RBM5: variants seen among roughly 807,000 people sequenced by gnomAD.
RBM5 encodes RNA-binding protein 5.
RBM5 carries 15 observed loss-of-function variants against 124.6 expected under a neutral mutation model. That is an observed-to-expected ratio of 0.12 (90% confidence interval 0.08 to 0.19). The LOEUF is 0.19. RBM5 is among the 10% of genes least tolerant of loss of function. The probability of loss-of-function intolerance (pLI) is 1.00; values close to 1 mark genes in which losing one functional copy is unlikely to be tolerated. For synonymous variants in RBM5, 337 were observed against 361.2 expected (o/e 0.93, Z 0.76); for missense variants, 580 against 1,026.5 (o/e 0.57, Z 5.94).
chr3:50,114,282 C>G lies in RBM5; in HGVS notation c.1839+31C>G, dbSNP rs112790469. 1,263 of 1,577,396 alleles carry G rather than the reference C, an allele frequency of 8.0e-4. 9 individuals are homozygous for G. In the African/African-American group the frequency reaches 0.012, roughly 15 times the overall value. On this transcript the variant is annotated intron_variant, in intron 20 of 24. Transcript: ENST00000347869. ...GGAGTACCACCAGTGTTTTAAAGAC[C>G]CTATCTGTGGTTTGTGTCTCACTTT...
intron 6 of RBM5, chr3:50,101,988 G>A (rs1282272602): frequency 6.6e-6 from 1 of 152,168 alleles, no homozygotes; most frequent in Non-Finnish European, 1.5e-5. Flanking sequence ...CAGACATGCA[G>A]TCTTGCCTTT....
intron 17 of RBM5, among the ~76,000 whole-genome samples, chr3:50,111,423 T>A (rs982193942): frequency 6.6e-6 from 1 of 152,158 alleles, no homozygotes; most frequent in Admixed American, 6.6e-5. Flanking sequence ...TTGCTTTTTT[T>A]ATTTTTTTTG....
chr3:50,117,195 G>A lies in RBM5; in HGVS notation c.2192+24G>A. On this transcript the variant is annotated intron_variant, in intron 23 of 24. Coordinates refer to ENST00000347869, the MANE Select transcript of RBM5 (RefSeq NM_005778.4). This position sits in a 1 kb window ranked among gnomAD's most constrained non-coding sequence, Gnocchi z 4.2. ...GTGTATGTGATGTGCACATTTTCCA[G>A]TTCGTAAGCTGGGGCCCTGGCTGTT... 1 of 1,614,214 alleles carries A rather than the reference G, an allele frequency of 6.2e-7. No homozygotes were observed. Among genetic ancestry groups the A allele is most frequent in the Non-Finnish European group, 8.5e-7 (1 of 1,180,028 alleles).
At chr3:50,089,509 C>T (rs2090662965) in intron 1 of RBM5, among the ~76,000 whole-genome samples, 1 of 152,234 alleles carries the variant, frequency 6.6e-6, no homozygotes, top group Non-Finnish European at 1.5e-5. Flanking sequence ...TCGAGCAGGC[C>T]GTGACGCCGC....
chr3:50,117,252 A>G lies in RBM5; in HGVS notation c.2195A>G (p.Asn732Ser). Reference protein sequence around the residue: ...RKKQFDAGTVNYEQPTKDGID... With the variant: ...RKKQFDAGTVSYEQPTKDGID... Reference sequence around the variant, plus strand: ...AACTGTGTGTTTGCCACTGGCAGGAATTACGAGCAACCCACCAAAGATGGC... The same window carrying G: ...AACTGTGTGTTTGCCACTGGCAGGAGTTACGAGCAACCCACCAAAGATGGC... Residue 732 changes from asparagine (N) to serine (S), a missense_variant and splice_region_variant, in exon 24 of 25, where the codon AAT becomes AGT. By Grantham distance (46) the Asn-to-Ser change is conservative (BLOSUM62 1). Transcript: ENST00000347869. This position sits in a 1 kb window ranked among gnomAD's most constrained non-coding sequence, Gnocchi z 4.2. The G allele has an allele frequency of 6.2e-7, 1 of 1,614,226 alleles. No individual in the cohort carries two copies.
At position 50,114,793 on chromosome 3, in the gene RBM5, G is replaced by A. The variant is rs541733149; in HGVS notation, c.1839+542G>A. ...GCCCAGGAGATCAAGGCTGCAGTGA[G>A]CCACTGCACTTTTTGGGGATCATAC... On this transcript the variant is annotated intron_variant, in intron 20 of 24. Transcript: ENST00000347869. 9.7e-5 allele frequency: 15 copies of A among 153,866 alleles called. No individual in the cohort carries two copies. The Admixed American group carries it at 9.8e-4, about 10-fold the overall frequency. The allele number at this position is 153,866 out of a possible 1,614,324, so 9.5% of individuals were successfully genotyped here. A position where few individuals can be genotyped will look rare whatever the true frequency, so the allele number is the denominator to read the frequency against.
Position 50,105,550 on chromosome 3 carries a change from G to C in RBM5, c.696G>C (p.Thr232=). The change falls in exon 10 of 25, where the codon ACG becomes ACC. Residue 232 remains threonine (T), a splice_region_variant and synonymous_variant. Coordinates refer to ENST00000347869, the MANE Select transcript of RBM5 (RefSeq NM_005778.4). ...GTCATTTGTCTCATTTACCCCTAGCGATCATTCTTCGGAACATAGCTCCGC... is the reference window on the plus strand; with the variant it reads ...GTCATTTGTCTCATTTACCCCTAGCCATCATTCTTCGGAACATAGCTCCGC... The part of the protein sequence containing the change: ...SVQSVDYYCD[T]IILRNIAPHT... 1.2e-6 allele frequency: 2 copies of C among 1,612,810 alleles called. No homozygotes were observed. The highest frequency in any genetic ancestry group is 1.7e-6 in the Non-Finnish European group (2 of 1,179,308).
chr3:50,107,662 C>CTTTT, intron 12 of RBM5, 93 bp downstream of exon 12: 2 of 171,154 alleles, frequency 1.2e-5, no homozygotes. Context: ...AGTATGAGCT[C>CTTTT]TTTTCTTTTC....
intron 4 of RBM5, chr3:50,094,125 C>A: frequency 9.7e-6 from 3 of 310,860 alleles, no homozygotes; most frequent in East Asian, 5.1e-5. Flanking sequence ...CTTATACATG[C>A]CAAAGGTAAT....
At chr3:50,108,179 G>A in intron 13 of RBM5, 32 bp downstream of exon 13, 1 of 1,601,396 alleles carries the variant, frequency 6.2e-7, no homozygotes, top group Non-Finnish European at 8.6e-7. Flanking sequence ...CCACCTTATA[G>A]TCTTGCAGAG....
At chr3:50,113,215 T>G (rs2091180523) in intron 17 of RBM5, 168 bp from the exon 18 acceptor site, 1 of 576,364 alleles carries the variant, frequency 1.7e-6, no homozygotes, top group Non-Finnish European at 3.0e-6. Context: ...CACACCTCTT[T>G]GCTAGGTGGT....
chr3:50,105,162 T>TAC lies in RBM5; in HGVS notation c.694+20_694+21insAC. 6.5e-7 allele frequency: 1 copy of TAC among 1,549,606 alleles called. No homozygotes were observed. Among genetic ancestry groups the TAC allele is most frequent in the East Asian group, 2.3e-5 (1 of 44,074 alleles). On this transcript the variant is annotated intron_variant, in intron 9 of 24. Coordinates refer to ENST00000347869, the MANE Select transcript of RBM5 (RefSeq NM_005778.4). The stretch of plus-strand genomic sequence containing the variant: ...GTGATAGTAAGTTCATACACGATCT[T>TAC]TTGGTCTTCATGTTAAAAATTGACC...
chr3:50,101,623 A>G (rs2090941729), intron 6 of RBM5: 1 of 152,228 alleles, frequency 6.6e-6, no homozygotes, highest in African/African-American at 2.4e-5. Flanking sequence ...TCCAGAACAT[A>G]TACAAGGTTC....
intron 3 of RBM5, chr3:50,092,943 C>CTTTTTTTTTTTTTTTTT (rs530934301): frequency 1.3e-5 from 1 of 77,774 alleles, no homozygotes; most frequent in Non-Finnish European, 2.2e-5. Context: ...CTTGATATAT[C>CTTTTTTTTTTTTTTTTT]TTTTTTTTTT....
In RBM5 at chr3:50,118,656, C is replaced by T. The variant is rs1214503821; in HGVS notation, c.*200C>T. The T allele has an allele frequency of 5.1e-5, 38 of 749,014 alleles. No homozygotes were observed. The highest frequency in any genetic ancestry group is 7.0e-5 in the Non-Finnish European group (33 of 469,718). 46.4% of individuals were successfully genotyped at this position (749,014 alleles called of 1,614,324 possible). A position where few individuals can be genotyped will look rare whatever the true frequency, so the allele number is the denominator to read the frequency against. On this transcript the variant is annotated 3_prime_UTR_variant, in exon 25 of 25. Transcript: ENST00000347869. ...TTGCCTGGTGAATGGCCTTCCTTCCCGCCAGAGGGCTTGTGAACAGACCGG... is the reference window on the plus strand; with the variant it reads ...TTGCCTGGTGAATGGCCTTCCTTCCTGCCAGAGGGCTTGTGAACAGACCGG...
chr3:50,108,431 G>A (rs1026877714), intron 14 of RBM5, 127 bp downstream of exon 14: 46 of 940,398 alleles, frequency 4.9e-5, no homozygotes, highest in Non-Finnish European at 6.9e-5. Context: ...GGGCATGGCC[G>A]GGCACGGTGG....
chr3:50,108,291 A>G lies in RBM5; in HGVS notation c.1179A>G (p.Ala393=). 1 of 1,610,270 alleles carries G rather than the reference A, an allele frequency of 6.2e-7. No individual in the cohort carries two copies. The highest frequency in any genetic ancestry group is 8.5e-7 in the Non-Finnish European group (1 of 1,176,394). ...AAGCTGGAGGATTGGAATCTGATGC[A>G]TCATCTGCATCAGGTAGTAAACTTC... ...QQQAGGLESD[A]SSASGTAVTT... Residue 393 remains alanine (A), a synonymous_variant, in exon 14 of 25, where the codon GCA becomes GCG. Transcript: ENST00000347869.
At chr3:50,091,942 T>A in intron 2 of RBM5, 101 bp from the exon 3 acceptor site, 1 of 1,112,858 alleles carries the variant, frequency 9.0e-7, no homozygotes, top group East Asian at 2.7e-5. Context: ...CTATTTGGAT[T>A]ATCTTATAAA....
At chr3:50,091,497 C>T (rs1030301260) in intron 2 of RBM5, among the ~76,000 whole-genome samples, 7 of 152,104 alleles carry the variant, frequency 4.6e-5, no homozygotes, top group African/African-American at 1.5e-4. Flanking sequence ...TTAAGGGGTG[C>T]TAGTTTTGGG....
Sources: gnomAD v4.1 joint callset for allele counts (sites outside exome capture counted in the v4.1 genomes callset) on GRCh38, gnomAD v4.1.1 for gene constraint, Gnocchi (gnomAD v3.1) non-coding constraint, MANE v1.5 for transcripts, NCBI Gene and HGNC (gene_info 2026-07-23, HGNC 2026-07-21) for gene names.